The following TRAK2 variants were observed in gnomAD, a reference collection of about 807,000 sequenced individuals.
The protein encoded by TRAK2 is trafficking kinesin protein 2.
A neutral mutation model predicts 104.6 loss-of-function variants in TRAK2; 81 were observed. The ratio of observed to expected loss-of-function variants is 0.77; its 90% CI spans 0.65 to 0.93. The LOEUF is 0.93. Among genes scored for constraint, TRAK2 ranks in the 40% least tolerant of loss-of-function variants. TRAK2 has a pLI of 0.00. For synonymous variants in TRAK2, 406 were observed against 394.4 expected, an observed-to-expected ratio of 1.03 and a Z score of -0.35; for missense variants, 1,002 against 1,089.0, an observed-to-expected ratio of 0.92 and a Z score of 1.12.
At position 201,381,112 on chromosome 2, in the gene TRAK2, T is replaced by C. The variant is rs1358297070; in HGVS notation, c.2176A>G (p.Thr726Ala). Reference protein sequence around the residue: ...SYRLSIGESITNRRDSTTTFS... With the variant: ...SYRLSIGESIANRRDSTTTFS... ...GTTGTAGTGGAATCTCGTCGGTTGG[T>C]GATGGACTCACCAATGCTGAGTCTA... is the stretch of plus-strand genomic sequence containing the variant. Residue 726 changes from threonine to alanine, a missense_variant, in exon 16 of 16, where the codon ACC (threonine) becomes GCC (alanine). Transcript: ENST00000332624. 2 of 1,613,950 alleles carry C rather than the reference T, an allele frequency of 1.2e-6. No individual in the cohort carries two copies. Among genetic ancestry groups the C allele is most frequent in the Non-Finnish European group, 1.7e-6 (2 of 1,179,952 alleles).
intron 13 of TRAK2, among the ~76,000 whole-genome samples, chr2:201,386,879 C>T (rs1951396036): frequency 1.3e-5 from 2 of 152,180 alleles, no homozygotes; most frequent in African/African-American, 4.8e-5. Flanking sequence ...AGTCAAAAGC[C>T]AGGCTCCCAG....
At position 201,387,968 on chromosome 2, in the gene TRAK2, T is replaced by G. The variant is rs769926466; in HGVS notation, c.1431A>C (p.Ser477=). The G allele has an allele frequency of 6.2e-7, 1 of 1,614,150 alleles. No individual in the cohort carries two copies. Among genetic ancestry groups the G allele is most frequent in the Non-Finnish European group, 8.5e-7 (1 of 1,180,010 alleles). Residue 477 remains serine (S), a synonymous_variant, in exon 13 of 16, where the codon TCA becomes TCC. Transcript: ENST00000332624. ...GTGCTGTAGCCAAATCACTATCTCC[T>G]GAGGGTCCTGGTTGGCCCATCTTCT... ...SSQKMGQPGP[S]GDSDLATALH...
intron 1 of TRAK2, among the ~76,000 whole-genome samples, chr2:201,424,550 T>C (rs753442900): frequency 1.3e-5 from 2 of 151,998 alleles, no homozygotes; most frequent in East Asian, 1.9e-4. Flanking sequence ...GTCAGCAAAT[T>C]TGGCCCACAG....
intron 1 of TRAK2, among the ~76,000 whole-genome samples, chr2:201,424,672 G>A (rs989383781): frequency 2.6e-5 from 4 of 151,518 alleles, no homozygotes; most frequent in African/African-American, 7.3e-5. Flanking sequence ...GCACAATCTC[G>A]GCTCACTGCA....
Position 201,393,005 on chromosome 2 carries a change from C to T in TRAK2, c.1017G>A (p.Met339Ile), listed in dbSNP as rs924444753. 1.9e-6 allele frequency: 3 copies of T among 1,613,618 alleles called. No homozygotes were observed. Among genetic ancestry groups the T allele is most frequent in the Non-Finnish European group, 2.5e-6 (3 of 1,179,774 alleles). The stretch of plus-strand genomic sequence containing the variant: ...TTATTTCTTCTTGGGATTCATGTAA[C>T]ATTCCTAGACACTCCATATTCCTGT... The part of the protein sequence containing the change: ...LQDRNMECLG[M>I]LHESQEEIKE... Residue 339 changes from methionine (M) to isoleucine (I), a missense_variant, in exon 10 of 16, where the codon ATG becomes ATA. By Grantham distance (10) the Met-to-Ile change is conservative. Transcript: ENST00000332624.
At chr2:201,409,324 C>T (rs1440037124) in intron 2 of TRAK2, among the ~76,000 whole-genome samples, 4 of 150,438 alleles carry the variant, frequency 2.7e-5, no homozygotes, top group African/African-American at 4.9e-5. Context: ...TGAAAAAATA[C>T]GGCAGAAATC....
At chr2:201,403,670 G>C (rs553860962) in intron 3 of TRAK2, among the ~76,000 whole-genome samples, 57 of 151,492 alleles carry the variant, frequency 3.8e-4, no homozygotes, top group African/African-American at 1.3e-3. Context: ...TTATCTCTGG[G>C]TAAGGACTAT....
chr2:201,391,298 A>G (rs1951446480), intron 10 of TRAK2, among the ~76,000 whole-genome samples: 1 of 152,222 alleles, frequency 6.6e-6, no homozygotes, highest in Non-Finnish European at 1.5e-5. Context: ...ATAAAATAGA[A>G]ATCCATGAGT....
At chr2:201,423,293 G>A (rs1576528705) in intron 1 of TRAK2, among the ~76,000 whole-genome samples, 4 of 152,198 alleles carry the variant, frequency 2.6e-5, no homozygotes, top group African/African-American at 9.6e-5. Context: ...TAAGATTCTG[G>A]TACTGATACA....
intron 2 of TRAK2, among the ~76,000 whole-genome samples, chr2:201,414,338 G>A (rs923320140): frequency 6.6e-6 from 1 of 152,156 alleles, no homozygotes; most frequent in African/African-American, 2.4e-5. Context: ...AATAGCGAAA[G>A]TACAGGATGT....
chr2:201,407,273 A>T (rs1318154945), intron 3 of TRAK2, 130 bp downstream of exon 3: 2 of 744,010 alleles, frequency 2.7e-6, no homozygotes, highest in Non-Finnish European at 4.3e-6. Flanking sequence ...CTTCCTGTGA[A>T]ATCAGTTCAA....
intron 3 of TRAK2, among the ~76,000 whole-genome samples, chr2:201,406,815 A>C (rs34625194): frequency 0.57 from 86,728 of 152,026 alleles, 26,014 homozygotes; most frequent in South Asian, 0.68. Context: ...TTAAAAATTC[A>C]TTTGTCTTTT....
Position 201,387,843 on chromosome 2 carries a change from T to C in TRAK2, c.1556A>G (p.Glu519Gly), listed in dbSNP as rs1452116717. The C allele has an allele frequency of 6.2e-7, 1 of 1,614,160 alleles. No homozygotes were observed. The highest frequency in any genetic ancestry group is 1.7e-5 in the Admixed American group (1 of 60,014). Reference protein sequence around the residue: ...RKIQVLADQKEGVSGCVTPTE... With the variant: ...RKIQVLADQKGGVSGCVTPTE... ...CGGGGTGACACAGCCACTAACTCCTTCCTTCTGGTCTGCCAGAACCTGGAT... is the reference window on the plus strand; with the variant it reads ...CGGGGTGACACAGCCACTAACTCCTCCCTTCTGGTCTGCCAGAACCTGGAT... Residue 519 changes from glutamate (E) to glycine (G), a missense_variant, in exon 13 of 16, where the codon GAA (glutamate) becomes GGA (glycine). Physicochemically the swap from Glu to Gly is moderately conservative, Grantham distance 98 (BLOSUM62 -2). Coordinates refer to ENST00000332624, the MANE Select transcript of TRAK2 (RefSeq NM_015049.3).
In TRAK2 at chr2:201,437,759, A is replaced by C. The variant is rs1214416597; in HGVS notation, c.-200+13591T>G. On this transcript the variant is annotated intron_variant, in intron 1 of 15. Transcript: ENST00000332624. Reference sequence around the variant, plus strand: ...TCCAGTCTTAACCCTCTCTACTCTGAGCTGATGTGGCTCTTAGAACGCATA... The same window carrying C: ...TCCAGTCTTAACCCTCTCTACTCTGCGCTGATGTGGCTCTTAGAACGCATA... 4.6e-5 allele frequency among the ~76,000 whole-genome samples: 7 copies of C among 152,148 alleles called. 1 individual carries two copies. The highest frequency in any genetic ancestry group is 4.6e-4 in the Admixed American group (7 of 15,262).
intron 7 of TRAK2, among the ~76,000 whole-genome samples, chr2:201,396,437 TCCCC>T (rs1395189535): frequency 1.3e-5 from 2 of 152,160 alleles, no homozygotes; most frequent in Non-Finnish European, 2.9e-5. Context: ...TATACAGTAG[TCCCC>T]TCTTATCTGT....
chr2:201,412,193 G>T, intron 2 of TRAK2: 1 of 977,624 alleles, frequency 1.0e-6, no homozygotes, highest in Non-Finnish European at 1.7e-6. Context: ...AAATTCTGAA[G>T]TCAAATCAAA....
intron 4 of TRAK2, 73 bp downstream of exon 4, chr2:201,400,945 T>C (rs1366953899): frequency 1.6e-6 from 2 of 1,225,816 alleles, no homozygotes; most frequent in Non-Finnish European, 1.2e-6. Flanking sequence ...CCATTTGATG[T>C]GCAAATTTGA....
chr2:201,389,697 A>C, intron 11 of TRAK2, 104 bp downstream of exon 11: 9 of 1,160,546 alleles, frequency 7.8e-6, no homozygotes, highest in Non-Finnish European at 1.1e-5. Context: ...CTGAATAGTA[A>C]GCAAATTACT....
chr2:201,448,946 C>A (rs1951987470), intron 1 of TRAK2, among the ~76,000 whole-genome samples: 1 of 152,152 alleles, frequency 6.6e-6, no homozygotes, highest in Non-Finnish European at 1.5e-5. Flanking sequence ...CTCGGGCTCT[C>A]AAAGTGCTGA....
Sources: allele counts gnomAD v4.1 joint callset (sites outside exome capture counted in the v4.1 genomes callset), GRCh38; gene constraint gnomAD v4.1.1; transcripts MANE v1.5; gene names NCBI Gene and HGNC (gene_info 2026-07-23, HGNC 2026-07-21).